The following KCNN2 variants were observed in gnomAD, a reference collection of about 807,000 sequenced individuals.
KCNN2 encodes the protein small conductance calcium-activated potassium channel protein 2.
In KCNN2, 24 loss-of-function variants were observed where a neutral mutation model predicts 55.5. That is an observed-to-expected ratio of 0.43 (90% CI 0.31 to 0.61). The LOEUF (loss-of-function observed/expected upper bound fraction) is 0.61. Among genes scored for constraint, KCNN2 ranks in the 20% least tolerant of loss-of-function variants. The pLI, the probability that KCNN2 is intolerant of heterozygous loss-of-function variation, is 0.08. For synonymous variants in KCNN2, 431 were observed against 336.1 expected, an observed-to-expected ratio of 1.28 and a Z score of -3.09; for missense variants, 754 against 853.6, an observed-to-expected ratio of 0.88 and a Z score of 1.45.
rs1250022892 is a variant in KCNN2, at chr5:114,202,584, TA to T, written c.-270-18895del. Among the ~76,000 whole-genome samples, 347 of 55,424 alleles carry T rather than the reference TA, an allele frequency of 6.3e-3. 9 individuals carry two copies. The highest frequency in any genetic ancestry group is 0.014 in the African/African-American group (259 of 18,566). 36.4% of individuals were successfully genotyped at this position (55,424 alleles called of 152,430 possible). On this transcript the variant is annotated intron_variant, in intron 1 of 10. Transcript: ENST00000512097. ...ATGTGTGTGTATATATATATATATA[TA>T]TTTTTTTTTTTTTTTTCCCGAGACA...
At chr5:114,406,615 C>T (rs1330941478) in intron 3 of KCNN2, among the ~76,000 whole-genome samples, 1 of 151,324 alleles carries the variant, frequency 6.6e-6, no homozygotes, top group Non-Finnish European at 1.5e-5. Flanking sequence ...TAAATCATCT[C>T]TAAATTCTCT....
At chr5:114,174,125 G>A (rs532406329) in intron 1 of KCNN2, among the ~76,000 whole-genome samples, 99 of 152,056 alleles carry the variant, frequency 6.5e-4, no homozygotes, top group African/African-American at 2.3e-3. Flanking sequence ...CTCTTCAAGT[G>A]GCTCAGAATT....
intron 1 of KCNN2, among the ~76,000 whole-genome samples, chr5:114,144,399 A>T (rs1752353040): frequency 6.6e-6 from 1 of 152,192 alleles, no homozygotes; most frequent in South Asian, 2.1e-4. Context: ...GTTTGAATTG[A>T]TTGATGTAAT....
At chr5:114,081,536 T>C (rs947827097) in intron 1 of KCNN2, among the ~76,000 whole-genome samples, 1 of 152,166 alleles carries the variant, frequency 6.6e-6, no homozygotes, top group Non-Finnish European at 1.5e-5. Flanking sequence ...ATGGAGAAAG[T>C]GCTTTCAGCA....
chr5:114,116,247 G>A (rs1182892971), intron 1 of KCNN2, among the ~76,000 whole-genome samples: 1 of 152,114 alleles, frequency 6.6e-6, no homozygotes, highest in Non-Finnish European at 1.5e-5. Context: ...CAGAGGATGG[G>A]AGAATGAATG....
intron 2 of KCNN2, among the ~76,000 whole-genome samples, chr5:114,264,538 G>C (rs1269938038): frequency 6.6e-6 from 1 of 152,158 alleles, no homozygotes; most frequent in East Asian, 1.9e-4. Flanking sequence ...AGAGCACAGA[G>C]GAAGCCCCTC....
chr5:114,157,139 A>C (rs1752652970), intron 1 of KCNN2, among the ~76,000 whole-genome samples: 2 of 147,634 alleles, frequency 1.4e-5, no homozygotes, highest in East Asian at 2.0e-4. Flanking sequence ...ATATCTCCTA[A>C]TGCTATCCCT....
chr5:114,390,585 A>G (rs567717937), intron 2 of KCNN2, among the ~76,000 whole-genome samples: 4 of 152,140 alleles, frequency 2.6e-5, no homozygotes, highest in Admixed American at 1.3e-4. Context: ...TCCTTAACAA[A>G]TGATGAAACT....
intron 1 of KCNN2, among the ~76,000 whole-genome samples, chr5:114,197,400 C>T (rs1470519622): frequency 6.6e-6 from 1 of 152,144 alleles, no homozygotes; most frequent in Non-Finnish European, 1.5e-5. Context: ...TCAAGTTGTT[C>T]TTCCCATTTT....
At chr5:114,344,018 C>G (rs1341388632) in intron 2 of KCNN2, among the ~76,000 whole-genome samples, 2 of 152,192 alleles carry the variant, frequency 1.3e-5, no homozygotes, top group African/African-American at 4.8e-5. Context: ...TAAACATGCA[C>G]TGGAACTGAA....
At chr5:114,175,229 T>C (rs1376336731) in intron 1 of KCNN2, among the ~76,000 whole-genome samples, 1 of 152,186 alleles carries the variant, frequency 6.6e-6, no homozygotes, top group Non-Finnish European at 1.5e-5. Flanking sequence ...GGTATTATTC[T>C]CACACATAAA....
intron 1 of KCNN2, among the ~76,000 whole-genome samples, chr5:114,100,886 T>C (rs573161685): frequency 6.6e-6 from 1 of 152,054 alleles, no homozygotes; most frequent in African/African-American, 2.4e-5. Flanking sequence ...ATAAAACATT[T>C]AGTTAAGAAG....
chr5:114,443,911 C>T (rs1760306727), intron 3 of KCNN2, among the ~76,000 whole-genome samples: 1 of 152,118 alleles, frequency 6.6e-6, no homozygotes, highest in Non-Finnish European at 1.5e-5. Flanking sequence ...TGGGTTGGGA[C>T]CCAATTATTA....
intron 1 of KCNN2, among the ~76,000 whole-genome samples, chr5:114,088,305 TC>T (rs1247378904): frequency 6.6e-6 from 1 of 152,050 alleles, no homozygotes; most frequent in Non-Finnish European, 1.5e-5. Flanking sequence ...TAAGTTTTTT[TC>T]ATCATTTATT....
intron 2 of KCNN2, among the ~76,000 whole-genome samples, chr5:114,333,649 G>T (rs899663874): frequency 1.1e-4 from 17 of 151,640 alleles, no homozygotes; most frequent in African/African-American, 3.1e-4. Flanking sequence ...ATCATTCAAA[G>T]AATTTCTTGA....
intron 6 of KCNN2, among the ~76,000 whole-genome samples, chr5:114,492,446 T>C (rs1747905441): frequency 6.6e-6 from 1 of 152,188 alleles, no homozygotes; most frequent in Non-Finnish European, 1.5e-5. Context: ...ACTTCTCTTT[T>C]GGGAAAAAGC....
chr5:114,184,291 C>G (rs1010850651), intron 1 of KCNN2, among the ~76,000 whole-genome samples: 2 of 152,272 alleles, frequency 1.3e-5, no homozygotes, highest in East Asian at 3.9e-4. Flanking sequence ...GTGGGGAATT[C>G]TAAAGTGATT....
chr5:114,331,378 G>A (rs1039210465), intron 2 of KCNN2, among the ~76,000 whole-genome samples: 1 of 152,178 alleles, frequency 6.6e-6, no homozygotes, highest in African/African-American at 2.4e-5. Flanking sequence ...AAGGCAATGT[G>A]GCTTGGGGTA....
chr5:114,446,833 T>C (rs1177542294), intron 3 of KCNN2, among the ~76,000 whole-genome samples: 3 of 150,768 alleles, frequency 2.0e-5, no homozygotes, highest in African/African-American at 7.3e-5. Flanking sequence ...ATCAGGGAGG[T>C]CGAAGTTGCA....
Sources: allele counts gnomAD v4.1 joint callset (sites outside exome capture counted in the v4.1 genomes callset), GRCh38; gene constraint gnomAD v4.1.1; transcripts MANE v1.5; gene names NCBI Gene and HGNC (gene_info 2026-07-23, HGNC 2026-07-21).